ATP13A3: variants seen among roughly 807,000 people sequenced by gnomAD.
The protein encoded by ATP13A3 is ATPase 13A3, also known as polyamine-transporting ATPase 13A3.
A neutral mutation model predicts 158.1 loss-of-function variants in ATP13A3; 59 were observed. The observed-to-expected ratio is 0.37, with a 90% confidence interval of 0.30 to 0.46. The LOEUF (loss-of-function observed/expected upper bound fraction) is 0.46. Ranked by LOEUF, ATP13A3 falls within the 20% of genes least tolerant of loss-of-function variation. The pLI, the probability that ATP13A3 is intolerant of heterozygous loss-of-function variation, is 1.00. For missense variants in ATP13A3, 1,166 were observed against 1,525.2 expected, an observed-to-expected ratio of 0.76 and a Z score of 3.92; for synonymous variants, 491 against 504.3, an observed-to-expected ratio of 0.97 and a Z score of 0.35.
Position 194,411,066 on chromosome 3 carries a change from GA to G in ATP13A3, c.3573+1132del, listed in dbSNP as rs35746857. Reference sequence around the variant, plus strand: ...ACAACTGGTATTACACTGCTTTCAGGAAAAAAAAAAACTGAGGCTGACTGCA... The same window carrying G: ...ACAACTGGTATTACACTGCTTTCAGGAAAAAAAAAACTGAGGCTGACTGCA... On this transcript the variant is annotated intron_variant, in intron 33 of 33. Transcript: ENST00000645319. Among the ~76,000 whole-genome samples the G allele has an allele frequency of 1.2e-4, 18 of 145,114 alleles. No individual in the cohort carries two copies. The South Asian group carries it at 1.3e-3, about 11-fold the overall frequency.
Position 194,450,126 on chromosome 3 carries a change from A to G in ATP13A3, c.970+19T>C. 4 of 1,611,272 alleles carry G rather than the reference A, an allele frequency of 2.5e-6. No individual in the cohort carries two copies. Among genetic ancestry groups the G allele is most frequent in the Non-Finnish European group, 3.4e-6 (4 of 1,178,496 alleles). On this transcript the variant is annotated intron_variant, in intron 11 of 33. Coordinates refer to ENST00000645319, the MANE Select transcript of ATP13A3 (RefSeq NM_001367549.1). ...TATATCATGAACAACTCATGTTGAT[A>G]TTTACTCATTTAGCTTACCTGTTAA...
rs575120633 is a variant in ATP13A3 at position 194,475,502 on chromosome 3, C to T, written c.-47+10292G>A. On this transcript the variant is annotated intron_variant, in intron 2 of 33. Transcript: ENST00000645319. ...TGAATTTGGGTTTTTCTACTTGAGT[C>T]CTTTGTCTAATCTGAAACCTACCCA... is the stretch of plus-strand genomic sequence containing the variant. Among the ~76,000 whole-genome samples the T allele has an allele frequency of 3.9e-5, 6 of 152,240 alleles. No homozygotes were observed. In the East Asian group the frequency reaches 1.2e-3, roughly 29 times the overall value.
chr3:194,438,345 A>G (rs914149560), intron 17 of ATP13A3, among the ~76,000 whole-genome samples: 2 of 152,222 alleles, frequency 1.3e-5, no homozygotes, highest in Admixed American at 1.3e-4. Context: ...AATAGTAATA[A>G]TAAACTAAGG....
At chr3:194,458,093 T>C (rs527546312) in intron 6 of ATP13A3, among the ~76,000 whole-genome samples, 3 of 152,122 alleles carry the variant, frequency 2.0e-5, no homozygotes, top group East Asian at 3.9e-4. Context: ...GCCTTAATTA[T>C]GCTTATTTTA....
chr3:194,440,650 G>A (rs1717986166), intron 16 of ATP13A3, among the ~76,000 whole-genome samples: 1 of 152,188 alleles, frequency 6.6e-6, no homozygotes, highest in South Asian at 2.1e-4. Flanking sequence ...CCATCCAGAT[G>A]TACAATGAAA....
At chr3:194,456,328 A>T (rs1560103136) in intron 7 of ATP13A3, among the ~76,000 whole-genome samples, 1 of 149,568 alleles carries the variant, frequency 6.7e-6, no homozygotes, top group East Asian at 2.0e-4. Context: ...GAGGGATCTT[A>T]TTTTTTTTTT....
chr3:194,403,919 G>T lies in ATP13A3; in HGVS notation c.*2000C>A, dbSNP rs1714770420. 1 of 249,322 alleles carries T rather than the reference G, an allele frequency of 4.0e-6. No homozygotes were observed. The highest frequency in any genetic ancestry group is 6.8e-6 in the Non-Finnish European group (1 of 146,088). The allele number at this position is 249,322 out of a possible 1,614,324, so 15.4% of individuals were successfully genotyped here. A position where few individuals can be genotyped will look rare whatever the true frequency, so the allele number is the denominator to read the frequency against. ...ACTAACTCTAAATGTTAAAAAAGTG[G>T]GGGGGGGGTGTCAAAAATAGCTCTT... On this transcript the variant is annotated 3_prime_UTR_variant, in exon 34 of 34. Transcript: ENST00000645319.
chr3:194,438,437 A>C (rs1039069243), intron 17 of ATP13A3, among the ~76,000 whole-genome samples: 2 of 152,250 alleles, frequency 1.3e-5, no homozygotes, highest in African/African-American at 4.8e-5. Context: ...GATGCAATTT[A>C]AGAGGATTAA....
At chr3:194,453,855 A>G (rs967207996) in intron 9 of ATP13A3, 77 bp from the exon 10 acceptor site, 4 of 1,086,948 alleles carry the variant, frequency 3.7e-6, no homozygotes, top group South Asian at 1.4e-5. Context: ...TGCTAAAAAA[A>G]TAAGTTAATT....
intron 2 of ATP13A3, among the ~76,000 whole-genome samples, chr3:194,470,846 G>C (rs554259639): frequency 6.6e-6 from 1 of 152,260 alleles, no homozygotes; most frequent in South Asian, 2.1e-4. Context: ...TGCTGCGGCA[G>C]GCAACAGGAA....
chr3:194,467,444 G>A (rs1044329828), intron 2 of ATP13A3, among the ~76,000 whole-genome samples: 1 of 152,044 alleles, frequency 6.6e-6, no homozygotes, highest in African/African-American at 2.4e-5. Context: ...CTCTTTTTAT[G>A]AGTGTAATTT....
intron 32 of ATP13A3, chr3:194,413,061 C>T (rs1259674231): frequency 6.6e-6 from 1 of 152,162 alleles, no homozygotes; most frequent in Non-Finnish European, 1.5e-5. Context: ...TTTATAGTTA[C>T]TGTAAGAGTC....
At chr3:194,467,304 C>G (rs1720051074) in intron 2 of ATP13A3, among the ~76,000 whole-genome samples, 1 of 152,180 alleles carries the variant, frequency 6.6e-6, no homozygotes, top group Non-Finnish European at 1.5e-5. Context: ...TCATCTTCTA[C>G]AGTTAGACCA....
At chr3:194,409,083 C>CA (rs753633307) in intron 33 of ATP13A3, among the ~76,000 whole-genome samples, 8 of 152,142 alleles carry the variant, frequency 5.3e-5, no homozygotes, top group Non-Finnish European at 1.0e-4. Flanking sequence ...CTTCAGTGAC[C>CA]AAATTCATCC....
At chr3:194,407,821 C>T (rs1335256086) in intron 33 of ATP13A3, among the ~76,000 whole-genome samples, 5 of 152,188 alleles carry the variant, frequency 3.3e-5, no homozygotes, top group South Asian at 2.1e-4. Flanking sequence ...CATTAAGGTA[C>T]AGAAGTCACT....
At chr3:194,453,475 T>C (rs994547043) in intron 10 of ATP13A3, among the ~76,000 whole-genome samples, 3 of 151,592 alleles carry the variant, frequency 2.0e-5, no homozygotes, top group African/African-American at 4.8e-5. Context: ...GGCATGCACC[T>C]GTAGTCCCAG....
At chr3:194,430,751 A>G (rs1717156127) in intron 24 of ATP13A3, among the ~76,000 whole-genome samples, 192 bp downstream of exon 24, 1 of 152,224 alleles carries the variant, frequency 6.6e-6, no homozygotes. Context: ...TGGATATTGT[A>G]CTTTAGCTAA....
chr3:194,446,444 C>G (rs1718413197), intron 14 of ATP13A3, among the ~76,000 whole-genome samples: 1 of 152,230 alleles, frequency 6.6e-6, no homozygotes. Flanking sequence ...CTGTCTAGGG[C>G]TGGTTCCTGC....
Position 194,428,887 on chromosome 3 carries a change from G to A in ATP13A3, c.2905C>T (p.Leu969Phe). Residue 969 changes from leucine (L) to phenylalanine (F), a missense_variant, in exon 28 of 34, where the codon CTC becomes TTC. Coordinates refer to ENST00000645319, the MANE Select transcript of ATP13A3 (RefSeq NM_001367549.1). ...ILSNLGDFQF[L>F]FIDLAIILVV... ...AAAATGATTGCCAGATCAATGAAGAGAAACTGGAAGTCTCCTAGGTTACTT... is the reference window on the plus strand; with the variant it reads ...AAAATGATTGCCAGATCAATGAAGAAAAACTGGAAGTCTCCTAGGTTACTT... 1 of 1,597,250 alleles carries A rather than the reference G, an allele frequency of 6.3e-7. No homozygotes were observed. The highest frequency in any genetic ancestry group is 1.3e-5 in the African/African-American group (1 of 74,498).
Sources: gnomAD v4.1 joint callset for allele counts (sites outside exome capture counted in the v4.1 genomes callset) on GRCh38, gnomAD v4.1.1 for gene constraint, MANE v1.5 for transcripts, NCBI Gene and HGNC (gene_info 2026-07-23, HGNC 2026-07-21) for gene names.